Variants in ARHGAP32 observed in about 807,000 individuals in gnomAD.
ARHGAP32 encodes the protein rho GTPase-activating protein 32.
A neutral mutation model predicts 186.5 loss-of-function variants in ARHGAP32; 51 were observed. That is an observed-to-expected ratio of 0.27 (90% CI 0.22 to 0.35). ARHGAP32 has a LOEUF of 0.35. Among genes scored for constraint, ARHGAP32 ranks in the 10% least tolerant of loss-of-function variants. The pLI, the probability that ARHGAP32 is intolerant of heterozygous loss-of-function variation, is 1.00. For synonymous variants in ARHGAP32, 950 were observed against 964.3 expected (o/e 0.99, Z 0.27); for missense variants, 2,186 against 2,623.5 (o/e 0.83, Z 3.64).
chr11:129,025,865 ATTT>A (rs1350251906), intron 11 of ARHGAP32, among the ~76,000 whole-genome samples: 1 of 148,722 alleles, frequency 6.7e-6, no homozygotes, highest in African/African-American at 2.4e-5. Context: ...ATAACATATT[ATTT>A]AAGTAATATA....
chr11:129,152,686 TC>T (rs1258724651), intron 2 of ARHGAP32, among the ~76,000 whole-genome samples: 1 of 152,058 alleles, frequency 6.6e-6, no homozygotes, highest in Non-Finnish European at 1.5e-5. Flanking sequence ...AAATCCAGTA[TC>T]CCTTTATGAT....
intron 11 of ARHGAP32, among the ~76,000 whole-genome samples, chr11:129,011,571 T>C (rs1159615417): frequency 6.6e-6 from 1 of 152,124 alleles, no homozygotes; most frequent in East Asian, 1.9e-4. Flanking sequence ...TCAAGGGGTA[T>C]GTAAAGGCTG....
chr11:129,235,099 GA>G (rs1456633183), intron 1 of ARHGAP32, among the ~76,000 whole-genome samples: 1 of 152,174 alleles, frequency 6.6e-6, no homozygotes, highest in Non-Finnish European at 1.5e-5. Flanking sequence ...AGAGACAGAA[GA>G]GGCACAAATA....
At chr11:129,165,541 TTTCGTTCACATTATCTAGTATCCA>T (rs1943618675) in intron 1 of ARHGAP32, among the ~76,000 whole-genome samples, 1 of 148,598 alleles carries the variant, frequency 6.7e-6, no homozygotes, top group South Asian at 2.2e-4. Flanking sequence ...TCTGCAAATC[TTTCGTTCACATTATCTAGTATCCA>T]GTAAATATTA....
chr11:129,238,723 C>A (rs1944973427), intron 1 of ARHGAP32, among the ~76,000 whole-genome samples: 2 of 150,500 alleles, frequency 1.3e-5, no homozygotes, highest in South Asian at 2.1e-4. Context: ...AAAAAATAAA[C>A]CAACCAATTG....
intron 1 of ARHGAP32, among the ~76,000 whole-genome samples, chr11:129,251,789 C>A (rs1945187913): frequency 6.6e-6 from 1 of 150,904 alleles, no homozygotes; most frequent in Admixed American, 6.6e-5. Context: ...AAAAAATCAG[C>A]TGGGTGTGGC....
At chr11:129,157,737 A>G (rs899567460) in intron 2 of ARHGAP32, among the ~76,000 whole-genome samples, 5 of 152,142 alleles carry the variant, frequency 3.3e-5, no homozygotes, top group Non-Finnish European at 7.3e-5. Context: ...GAACACCACA[A>G]AGATACTCCT....
At chr11:129,051,078 T>G (rs951231448) in intron 10 of ARHGAP32, among the ~76,000 whole-genome samples, 1 of 152,230 alleles carries the variant, frequency 6.6e-6, no homozygotes, top group Non-Finnish European at 1.5e-5. Flanking sequence ...GTCTTTGCTA[T>G]TGTGAACAAT....
chr11:129,008,227 T>C (rs191826235), intron 11 of ARHGAP32, among the ~76,000 whole-genome samples: 2 of 152,300 alleles, frequency 1.3e-5, no homozygotes, highest in African/African-American at 4.8e-5. Flanking sequence ...AGGGTATTTT[T>C]TTATGCGTAT....
At chr11:129,003,530 G>A (rs532852096) in intron 11 of ARHGAP32, among the ~76,000 whole-genome samples, 16 of 152,230 alleles carry the variant, frequency 1.1e-4, no homozygotes, top group South Asian at 8.3e-4. Context: ...TCTTTGCTGG[G>A]AGACTTTTTA....
chr11:129,090,506 T>C (rs1941543674), intron 6 of ARHGAP32, among the ~76,000 whole-genome samples: 1 of 152,150 alleles, frequency 6.6e-6, no homozygotes, highest in Admixed American at 6.5e-5. Flanking sequence ...ACCATTAATA[T>C]CAACTACTAT....
rs532962432 is a variant in ARHGAP32, at chr11:128,969,730, T to C, written c.5483A>G (p.His1828Arg). The change falls in exon 23 of 23, where the codon CAT becomes CGT. Residue 1828 changes from histidine to arginine, a missense_variant. By Grantham distance (29) the His-to-Arg change is conservative. Coordinates refer to ENST00000682385, the MANE Select transcript of ARHGAP32 (RefSeq NM_001378024.1). This position sits in a 1 kb window ranked among gnomAD's most constrained non-coding sequence, Gnocchi z 4.8. ...CTCGGGACTGATGGCCTTGGCTGCATGGCGGCTCTCCTTTCCTTCTGCCAC... is the reference window on the plus strand; with the variant it reads ...CTCGGGACTGATGGCCTTGGCTGCACGGCGGCTCTCCTTTCCTTCTGCCAC... ...LSVAEGKESR[H>R]AAKAISPEGE... The C allele has an allele frequency of 2.5e-5, 40 of 1,614,182 alleles. No homozygotes were observed. The highest frequency in any genetic ancestry group is 3.1e-5 in the Non-Finnish European group (37 of 1,180,026).
rs1473249297 is a variant in ARHGAP32 at position 128,994,180 on chromosome 11, G to A, written c.1195+4139C>T. 2.6e-5 allele frequency among the ~76,000 whole-genome samples: 4 copies of A among 151,186 alleles called. No homozygotes were observed. The Middle Eastern group carries it at 0.01, about 386-fold the overall frequency. ...TTTTTTCTTTTTTTTTTGAGATGGA[G>A]TCTCGCTCTTGTTGCCCAGACTGGA... On this transcript the variant is annotated intron_variant, in intron 12 of 22. Coordinates refer to ENST00000682385, the MANE Select transcript of ARHGAP32 (RefSeq NM_001378024.1).
intron 12 of ARHGAP32, among the ~76,000 whole-genome samples, chr11:128,991,978 G>A (rs1231342206): frequency 1.3e-5 from 2 of 151,856 alleles, no homozygotes; most frequent in East Asian, 3.9e-4. Context: ...CTATTTTCCA[G>A]GCATCATGAA....
rs184133303 is a variant in ARHGAP32, at chr11:129,007,120, C to T, written c.1046-8652G>A. Among the ~76,000 whole-genome samples the T allele has an allele frequency of 1.2e-3, 188 of 152,186 alleles. 1 individual carries two copies. Among genetic ancestry groups the T allele is most frequent in the Middle Eastern group, 6.8e-3 (2 of 294 alleles). ...TGCCAGGCCTGGAACTTATCCTTCA[C>T]GGCAGTGGGCTCCCCTCTGGCCCAG... On this transcript the variant is annotated intron_variant, in intron 11 of 22. Coordinates refer to ENST00000682385, the MANE Select transcript of ARHGAP32 (RefSeq NM_001378024.1).
In ARHGAP32 at chr11:129,061,264, A is replaced by C. The variant is rs527953100; in HGVS notation, c.963+1016T>G. The stretch of plus-strand genomic sequence containing the variant: ...AAGGATACAACTTTAAGGCATTTTC[A>C]GAGACTCCTCATAAAAAGTAGTTGC... On this transcript the variant is annotated intron_variant, in intron 10 of 22. Coordinates refer to ENST00000682385, the MANE Select transcript of ARHGAP32 (RefSeq NM_001378024.1). Among the ~76,000 whole-genome samples the C allele has an allele frequency of 1.2e-3, 184 of 152,268 alleles. 2 individuals carry two copies. The highest frequency in any genetic ancestry group is 3.4e-3 in the Middle Eastern group (1 of 294).
intron 6 of ARHGAP32, among the ~76,000 whole-genome samples, chr11:129,077,471 A>G (rs937095302): frequency 6.6e-6 from 1 of 152,090 alleles, no homozygotes; most frequent in East Asian, 1.9e-4. Context: ...GACAGTGGGA[A>G]TGAGACTGGC....
intron 11 of ARHGAP32, among the ~76,000 whole-genome samples, chr11:129,027,795 T>C (rs1938926402): frequency 1.3e-5 from 2 of 152,234 alleles, no homozygotes; most frequent in African/African-American, 4.8e-5. Context: ...CTATATTGTT[T>C]ATTTATTTAT....
At chr11:129,145,387 G>C (rs1273165796) in intron 2 of ARHGAP32, among the ~76,000 whole-genome samples, 2 of 115,408 alleles carry the variant, frequency 1.7e-5, no homozygotes, top group Non-Finnish European at 4.1e-5. Flanking sequence ...TAGAAGAAAA[G>C]AAAGACCACA....
Sources: allele counts gnomAD v4.1 joint callset (sites outside exome capture counted in the v4.1 genomes callset), GRCh38; gene constraint gnomAD v4.1.1; non-coding constraint Gnocchi (gnomAD v3.1); transcripts MANE v1.5; gene names NCBI Gene and HGNC (gene_info 2026-07-23, HGNC 2026-07-21).